Variants in ADGRV1 observed in about 807,000 individuals in gnomAD.
The protein encoded by ADGRV1 is adhesion G protein-coupled receptor V1.
A neutral mutation model predicts 596.2 loss-of-function variants in ADGRV1; 359 were observed. The observed-to-expected ratio is 0.60, with a 90% CI of 0.55 to 0.66. The LOEUF is 0.66. Ranked by LOEUF, ADGRV1 falls within the 30% of genes least tolerant of loss-of-function variation. The pLI is 0.00. For synonymous variants in ADGRV1, 2,681 were observed against 2,679.2 expected, an observed-to-expected ratio of 1.00 and a Z score of -0.02; for missense variants, 7,274 against 7,575.6, an observed-to-expected ratio of 0.96 and a Z score of 1.48.
intron 85 of ADGRV1, among the ~76,000 whole-genome samples, chr5:91,064,971 A>G (rs1306299720): frequency 2.0e-5 from 3 of 152,252 alleles, no homozygotes; most frequent in Non-Finnish European, 4.4e-5. Context: ...TAAATTGAGT[A>G]TACAAGGAAA....
rs1483566969 is a variant in ADGRV1, at chr5:90,672,600, C to A, written c.4807C>A (p.Leu1603Met). The part of the protein sequence containing the change: ...SCVVERTRGA[L>M]DYVHVFYTIS... ...TGTGGTTGAGAGAACCAGAGGAGCTCTGGATTATGTGCATGTTTTTTACAC... is the reference window on the plus strand; with the variant it reads ...TGTGGTTGAGAGAACCAGAGGAGCTATGGATTATGTGCATGTTTTTTACAC... Residue 1603 changes from leucine to methionine, a missense_variant, in exon 22 of 90, where the codon CTG (leucine) becomes ATG (methionine). Around this residue, in one of 5 missense-constraint regions of ADGRV1, gnomAD observed 3,643 missense variants for 3,809.2 expected, o/e 0.96. Coordinates refer to ENST00000405460, the MANE Select transcript of ADGRV1 (RefSeq NM_032119.4). The A allele has an allele frequency of 6.2e-7, 1 of 1,613,724 alleles. No homozygotes were observed.
intron 16 of ADGRV1, among the ~76,000 whole-genome samples, chr5:90,647,197 T>G (rs1231599670): frequency 6.6e-6 from 1 of 152,198 alleles, no homozygotes; most frequent in Non-Finnish European, 1.5e-5. Flanking sequence ...GGAAGTTACA[T>G]CCTCAACTTA....
intron 84 of ADGRV1, among the ~76,000 whole-genome samples, chr5:90,969,933 T>TC (rs1345408694): frequency 6.6e-6 from 1 of 152,184 alleles, no homozygotes; most frequent in African/African-American, 2.4e-5. Flanking sequence ...AGGCATCGCC[T>TC]CACCAGGGAA....
chr5:90,839,342 G>A (rs1282156489), intron 77 of ADGRV1, among the ~76,000 whole-genome samples: 1 of 152,162 alleles, frequency 6.6e-6, no homozygotes, highest in Non-Finnish European at 1.5e-5. Flanking sequence ...AGCGTCCCCA[G>A]TAGTTGGAAT....
At chr5:91,162,065 G>A (rs1796994531) in intron 89 of ADGRV1, among the ~76,000 whole-genome samples, 1 of 152,188 alleles carries the variant, frequency 6.6e-6, no homozygotes, top group South Asian at 2.1e-4. Context: ...ACTGGCAATA[G>A]GAACTAACAC....
chr5:91,044,256 T>C (rs2151286145), intron 85 of ADGRV1, among the ~76,000 whole-genome samples: 1 of 152,108 alleles, frequency 6.6e-6, no homozygotes, highest in East Asian at 1.9e-4. Flanking sequence ...CTGCAGTGAT[T>C]CACAACATAA....
At chr5:91,011,058 A>G (rs999409988) in intron 85 of ADGRV1, among the ~76,000 whole-genome samples, 1 of 151,988 alleles carries the variant, frequency 6.6e-6, no homozygotes, top group African/African-American at 2.4e-5. Context: ...ATCTACTAGC[A>G]GTAGTTTTCT....
intron 86 of ADGRV1, among the ~76,000 whole-genome samples, chr5:91,095,304 A>C (rs1790759461): frequency 6.6e-6 from 1 of 151,842 alleles, no homozygotes; most frequent in Non-Finnish European, 1.5e-5. Flanking sequence ...GGCTCAAGAG[A>C]GCCTCCTACC....
At chr5:90,662,196 T>TC (rs1393452012) in intron 21 of ADGRV1, among the ~76,000 whole-genome samples, 1 of 147,758 alleles carries the variant, frequency 6.8e-6, no homozygotes, top group African/African-American at 2.5e-5. Context: ...ACTTTTTTTT[T>TC]TTTTTTTTTT....
chr5:90,812,636 T>C (rs1762542075), intron 74 of ADGRV1, among the ~76,000 whole-genome samples: 1 of 152,186 alleles, frequency 6.6e-6, no homozygotes, highest in Non-Finnish European at 1.5e-5. Context: ...TTTAATTCAG[T>C]CATAATTTTG....
intron 59 of ADGRV1, 107 bp from the exon 60 acceptor site, chr5:90,774,079 C>A: frequency 2.2e-6 from 1 of 453,370 alleles, no homozygotes; most frequent in Non-Finnish European, 3.9e-6. Flanking sequence ...ACAAAAAAGA[C>A]ACCCTTAAAA....
chr5:90,659,429 T>C (rs1048836136), intron 21 of ADGRV1, among the ~76,000 whole-genome samples: 2 of 152,204 alleles, frequency 1.3e-5, no homozygotes, highest in Non-Finnish European at 2.9e-5. Flanking sequence ...TGTGTCAACA[T>C]TTTGAAGATC....
chr5:90,692,474 T>C (rs1334379213), intron 31 of ADGRV1, 131 bp from the exon 32 acceptor site: 12 of 668,412 alleles, frequency 1.8e-5, no homozygotes, highest in Non-Finnish European at 3.0e-5. Context: ...GGAGTTCTTT[T>C]AGTCCATTTA....
At chr5:90,882,778 T>A (rs78171584) in intron 83 of ADGRV1, among the ~76,000 whole-genome samples, 2,906 of 152,164 alleles carry the variant, frequency 0.019, 91 homozygotes, top group African/African-American at 0.065. Flanking sequence ...ACACATTTTT[T>A]AAAAAATAGT....
intron 70 of ADGRV1, among the ~76,000 whole-genome samples, chr5:90,796,517 A>G (rs934905021): frequency 7.9e-5 from 12 of 152,324 alleles, no homozygotes; most frequent in Non-Finnish European, 1.5e-4. Flanking sequence ...TGAAAGTGAC[A>G]GGGAGAATGG....
At chr5:90,724,305 C>G (rs1751472829) in intron 45 of ADGRV1, among the ~76,000 whole-genome samples, 1 of 151,798 alleles carries the variant, frequency 6.6e-6, no homozygotes, top group Admixed American at 6.5e-5. Context: ...TCTCGGCTCA[C>G]TACAACCTCC....
At chr5:90,728,990 A>G (rs1752170651) in intron 49 of ADGRV1, 57 bp downstream of exon 49, 1 of 1,188,264 alleles carries the variant, frequency 8.4e-7, no homozygotes, top group South Asian at 1.7e-5. Flanking sequence ...TCTAGCATTC[A>G]TATGGTATAT....
chr5:91,093,285 A>AT (rs1790542160), intron 86 of ADGRV1, among the ~76,000 whole-genome samples: 1 of 152,158 alleles, frequency 6.6e-6, no homozygotes, highest in African/African-American at 2.4e-5. Flanking sequence ...CAGAGCATTT[A>AT]TTTTCCTCCA....
Position 90,694,019 on chromosome 5 carries a change from A to G in ADGRV1, c.7263A>G (p.Pro2421=). 1 of 1,613,748 alleles carries G rather than the reference A, an allele frequency of 6.2e-7. No homozygotes were observed. Among genetic ancestry groups the G allele is most frequent in the Non-Finnish European group, 8.5e-7 (1 of 1,179,814 alleles). ...YESPIQGVPD[P]LWRTWMNVSA... ...CTCCAATTCAAGGGGTGCCTGACCC[A>G]CTTTGGAGAACTTGGATGAATGTCT... Residue 2421 remains proline (P), a synonymous_variant, in exon 33 of 90, where the codon CCA becomes CCG. Coordinates refer to ENST00000405460, the MANE Select transcript of ADGRV1 (RefSeq NM_032119.4).
Sources: gnomAD v4.1 joint callset for allele counts (sites outside exome capture counted in the v4.1 genomes callset) on GRCh38, gnomAD v4.1.1 for gene constraint, gnomAD v4.1.1 regional missense constraint, MANE v1.5 for transcripts, NCBI Gene and HGNC (gene_info 2026-07-23, HGNC 2026-07-21) for gene names.